PER1: variants seen among roughly 807,000 people sequenced by gnomAD.
PER1 encodes the protein period circadian protein homolog 1.
Under a neutral mutation model 125.9 loss-of-function variants are expected in PER1, and 87 were observed. The ratio of observed to expected loss-of-function variants is 0.69; its 90% CI spans 0.58 to 0.83. The LOEUF (loss-of-function observed/expected upper bound fraction) is 0.83, where lower values mean the gene tolerates loss of function less well. Among genes scored for constraint, PER1 ranks in the 40% least tolerant of loss-of-function variants. PER1 has a pLI of 0.00. For synonymous variants in PER1, 801 were observed against 714.7 expected, an observed-to-expected ratio of 1.12 and a Z score of -1.93; for missense variants, 1,775 against 1,722.8, an observed-to-expected ratio of 1.03 and a Z score of -0.54.
chr17:8,144,300 G>A, intron 18 of PER1: 1 of 409,206 alleles, frequency 2.4e-6, no homozygotes, highest in East Asian at 3.7e-5. Flanking sequence ...AGTGGGGCTG[G>A]AAAGCCCAGT....
Position 8,143,692 on chromosome 17 carries a change from C to G in PER1, c.2646G>C (p.Gln882His), listed in dbSNP as rs1221361037. ...PATTPFPAVVQPYPLPVFSPR... is the reference protein window; with the variant it reads ...PATTPFPAVVHPYPLPVFSPR... ...GAGAGAACACTGGGAGAGGGTAGGG[C>G]TGGACAACCGCTGGGAAGGGGGTAG... is the stretch of plus-strand genomic sequence containing the variant. Residue 882 changes from glutamine (Q) to histidine (H), a missense_variant, in exon 19 of 23, where the codon CAG (glutamine) becomes CAC (histidine). By Grantham distance (24) the Gln-to-His change is conservative. Coordinates refer to ENST00000317276, the MANE Select transcript of PER1 (RefSeq NM_002616.3). 1 of 1,404,144 alleles carries G rather than the reference C, an allele frequency of 7.1e-7. No homozygotes were observed. The highest frequency in any genetic ancestry group is 9.4e-7 in the Non-Finnish European group (1 of 1,067,678). The allele number at this position is 1,404,144 out of a possible 1,614,324, so 87.0% of individuals were successfully genotyped here.
chr17:8,144,311 CCT>C (rs1304904122), intron 18 of PER1: 1 of 415,332 alleles, frequency 2.4e-6, no homozygotes, highest in Admixed American at 4.0e-5. Context: ...AAAGCCCAGT[CCT>C]GAGTCCTGCG....
At position 8,144,736 on chromosome 17, in the gene PER1, G is replaced by A. The variant is rs531017521; in HGVS notation, c.2461+15C>T. The A allele has an allele frequency of 3.5e-5, 54 of 1,555,552 alleles. No individual in the cohort carries two copies. Among genetic ancestry groups the A allele is most frequent in the Non-Finnish European group, 4.4e-5 (51 of 1,153,136 alleles). ...CTGGGCAGAGGGCAGGCTCCAGGAGGCCCCAGGTGGCTACCTCGCTCGCCA... is the reference window on the plus strand; with the variant it reads ...CTGGGCAGAGGGCAGGCTCCAGGAGACCCCAGGTGGCTACCTCGCTCGCCA... On this transcript the variant is annotated intron_variant, in intron 18 of 22. Transcript: ENST00000317276.
rs548994965 is a variant in PER1, at chr17:8,142,848, A to AG, written c.3073-14dup. On this transcript the variant is annotated splice_polypyrimidine_tract_variant and intron_variant, in intron 19 of 22. Transcript: ENST00000317276. ...CAGTGACCTCCGCCTGGAGGAGGGG[A>AG]GGGGGGCAAGGAGGGATGGAGGGGT... is the stretch of plus-strand genomic sequence containing the variant. 26,246 of 1,574,648 alleles carry AG rather than the reference A, an allele frequency of 0.017. 295 individuals are homozygous for AG. Among genetic ancestry groups the AG allele is most frequent in the Middle Eastern group, 0.052 (306 of 5,886 alleles).
In PER1 at chr17:8,149,497, G is replaced by T; in HGVS notation, c.818C>A (p.Ser273Tyr). 6.2e-7 allele frequency: 1 copy of T among 1,613,852 alleles called. No homozygotes were observed. Among genetic ancestry groups the T allele is most frequent in the Non-Finnish European group, 8.5e-7 (1 of 1,179,966 alleles). The change falls in exon 6 of 23, where the codon TCT becomes TAT. Residue 273 changes from serine (S) to tyrosine (Y), a missense_variant. Ser to Tyr is a moderately radical substitution (Grantham distance 144). Coordinates refer to ENST00000317276, the MANE Select transcript of PER1 (RefSeq NM_002616.3). ...CCCTGTGCCCCAGGTGGGCAGGCGAGATGGAGCAGTGGAACCATAGAAGAC... is the reference window on the plus strand; with the variant it reads ...CCCTGTGCCCCAGGTGGGCAGGCGATATGGAGCAGTGGAACCATAGAAGAC... ...VGVFYGSTAPSRLPTWGTGAS... is the reference protein window; with the variant it reads ...VGVFYGSTAPYRLPTWGTGAS...
At chr17:8,141,456 C>A in intron 22 of PER1, 116 bp from the exon 23 acceptor site, 1 of 1,207,244 alleles carries the variant, frequency 8.3e-7, no homozygotes, top group East Asian at 2.5e-5. Context: ...CAAGAAGCAC[C>A]AGTCCACACA....
intron 8 of PER1, 126 bp from the exon 9 acceptor site, chr17:8,148,385 C>T (rs1982597118): frequency 1.8e-5 from 16 of 873,682 alleles, no homozygotes; most frequent in Non-Finnish European, 2.7e-5. Context: ...ACTATGGGCC[C>T]AAAGATGGTC....
rs552987262 is a variant in PER1, at chr17:8,145,311, C to T, written c.2219-318G>A. The T allele has an allele frequency of 2.2e-5, 5 of 230,124 alleles. No individual in the cohort carries two copies. In the East Asian group the frequency reaches 3.4e-4, roughly 16 times the overall value. The allele number at this position is 230,124 out of a possible 1,614,324, so 14.3% of individuals were successfully genotyped here. ...GCCCACCCCTTGGCCTTCCCTCACA[C>T]ATTTTCTTGTTTCTTTTTTTTTTTT... On this transcript the variant is annotated intron_variant, in intron 17 of 22. Coordinates refer to ENST00000317276, the MANE Select transcript of PER1 (RefSeq NM_002616.3).
intron 7 of PER1, 123 bp downstream of exon 7, chr17:8,149,136 C>A (rs1982655819): frequency 1.1e-6 from 1 of 887,164 alleles, no homozygotes; most frequent in African/African-American, 1.6e-5. Flanking sequence ...TTGCAGTGAG[C>A]CGAGATCGTG....
chr17:8,141,307 G>A lies in PER1; in HGVS notation c.3634C>T (p.Pro1212Ser). 6.2e-7 allele frequency: 1 copy of A among 1,613,284 alleles called. No individual in the cohort carries two copies. The highest frequency in any genetic ancestry group is 8.5e-7 in the Non-Finnish European group (1 of 1,179,656). The stretch of plus-strand genomic sequence containing the variant: ...AAGAGTGGGTCATCAGGGTGACCAG[G>A]ATCTTGGGTGCTGCTCCCACAGTCC... ...CVDCGSSTQD[P>S]GHPDDPLFSE... is the part of the protein sequence containing the mutation. The change falls in exon 23 of 23, where the codon CCT (proline) becomes TCT (serine). Residue 1212 changes from proline to serine, a missense_variant. Transcript: ENST00000317276.
chr17:8,143,685 G>T lies in PER1; in HGVS notation c.2653C>A (p.Pro885Thr), dbSNP rs1035653775. The change falls in exon 19 of 23, where the codon CCT becomes ACT. Residue 885 changes from proline to threonine, a missense_variant. By Grantham distance (38) the Pro-to-Thr change is conservative. Transcript: ENST00000317276. Reference sequence around the variant, plus strand: ...CCTCGAGGAGAGAACACTGGGAGAGGGTAGGGCTGGACAACCGCTGGGAAG... The same window carrying T: ...CCTCGAGGAGAGAACACTGGGAGAGTGTAGGGCTGGACAACCGCTGGGAAG... ...TPFPAVVQPYPLPVFSPRGGP... is the reference protein window; with the variant it reads ...TPFPAVVQPYTLPVFSPRGGP... 2 of 1,498,722 alleles carry T rather than the reference G, an allele frequency of 1.3e-6. No homozygotes were observed. Among genetic ancestry groups the T allele is most frequent in the Non-Finnish European group, 1.8e-6 (2 of 1,117,740 alleles). The allele number at this position is 1,498,722 out of a possible 1,614,324, so 92.8% of individuals were successfully genotyped here. A position where few individuals can be genotyped will look rare whatever the true frequency, so the allele number is the denominator to read the frequency against.
chr17:8,151,567 C>CACTG (rs1292851975), intron 1 of PER1, among the ~76,000 whole-genome samples: 1 of 152,162 alleles, frequency 6.6e-6, no homozygotes, highest in Non-Finnish European at 1.5e-5. Flanking sequence ...GCACAACGGC[C>CACTG]ACTGCCCTCG....
rs1037490393 is a variant in PER1, at chr17:8,146,260, A to C, written c.2038+112T>G. ...CAGAGGGAACAGTCTGGAGACCAGG[A>C]GGCTGGGGAGGAGAGCAGGGCAGAG... On this transcript the variant is annotated intron_variant, in intron 16 of 22. Transcript: ENST00000317276. 3.3e-6 allele frequency: 5 copies of C among 1,517,420 alleles called. No individual in the cohort carries two copies. The African/African-American group carries it at 6.9e-5, about 21-fold the overall frequency. The allele number at this position is 1,517,420 out of a possible 1,614,324, so 94.0% of individuals were successfully genotyped here.
In PER1 at chr17:8,142,636, G is replaced by T; in HGVS notation, c.3259+13C>A. On this transcript the variant is annotated intron_variant, in intron 20 of 22. Coordinates refer to ENST00000317276, the MANE Select transcript of PER1 (RefSeq NM_002616.3). ...TGCCCTACCCTGGGAGATGCTGGAGGCGGGGTACTCACGAGTGATGCTGGC... is the reference window on the plus strand; with the variant it reads ...TGCCCTACCCTGGGAGATGCTGGAGTCGGGGTACTCACGAGTGATGCTGGC... The T allele has an allele frequency of 6.2e-7, 1 of 1,612,950 alleles. No individual in the cohort carries two copies. Among genetic ancestry groups the T allele is most frequent in the Non-Finnish European group, 8.5e-7 (1 of 1,179,260 alleles).
At position 8,143,424 on chromosome 17, in the gene PER1, G is replaced by A. The variant is rs767492211; in HGVS notation, c.2914C>T (p.Pro972Ser). The A allele has an allele frequency of 1.2e-6, 2 of 1,613,308 alleles. 1 individual carries two copies. The change falls in exon 19 of 23, where the codon CCA becomes TCA. Residue 972 changes from proline (P) to serine (S), a missense_variant. Physicochemically the swap from Pro to Ser is moderately conservative, Grantham distance 74. Coordinates refer to ENST00000317276, the MANE Select transcript of PER1 (RefSeq NM_002616.3). ...GAGCTGCATCTCGAGTTGAACAGTGGAGAGTCCGGGCGGTGAGGAGGACTC... is the reference window on the plus strand; with the variant it reads ...GAGCTGCATCTCGAGTTGAACAGTGAAGAGTCCGGGCGGTGAGGAGGACTC... ...APSPPHRPDS[P>S]LFNSRCSSPL...
intron 6 of PER1, 54 bp from the exon 7 acceptor site, chr17:8,149,364 C>G (rs926528047): frequency 5.0e-6 from 8 of 1,606,888 alleles, no homozygotes; most frequent in Non-Finnish European, 6.8e-6. Context: ...CCCTAGGCTG[C>G]GAAGAATCCA....
chr17:8,148,469 C>T (rs1982602544), intron 8 of PER1, among the ~76,000 whole-genome samples, 175 bp downstream of exon 8: 1 of 152,190 alleles, frequency 6.6e-6, no homozygotes, highest in South Asian at 2.1e-4. Flanking sequence ...CCTCCTCTAG[C>T]TTGGGCACCT....
At chr17:8,143,136 T>C in intron 19 of PER1, 130 bp downstream of exon 19, 1 of 691,904 alleles carries the variant, frequency 1.4e-6, no homozygotes, top group Non-Finnish European at 2.3e-6. Flanking sequence ...ATTCAGAAAT[T>C]CAGCTGGGGA....
In PER1 at chr17:8,146,440, T is replaced by C. The variant is rs1982443680; in HGVS notation, c.1970A>G (p.Tyr657Cys). ...GTCGTCAGAGGCTGAGGAGGTGGTA[T>C]AGGAGGAGGAGGAGGCACATTTACG... ...TKRKCASSSS[Y>C]TTSSASDDDR... Residue 657 changes from tyrosine (Y) to cysteine (C), a missense_variant, in exon 16 of 23, where the codon TAT (tyrosine) becomes TGT (cysteine). Tyr to Cys is a radical substitution (Grantham distance 194, BLOSUM62 -2). Transcript: ENST00000317276. 2 of 1,613,138 alleles carry C rather than the reference T, an allele frequency of 1.2e-6. No homozygotes were observed. The highest frequency in any genetic ancestry group is 2.2e-5 in the South Asian group (2 of 91,012).
Sources: gnomAD v4.1 joint callset for allele counts (sites outside exome capture counted in the v4.1 genomes callset) on GRCh38, gnomAD v4.1.1 for gene constraint, MANE v1.5 for transcripts, NCBI Gene and HGNC (gene_info 2026-07-23, HGNC 2026-07-21) for gene names.